The following PGD variants were observed in gnomAD, a reference collection of about 807,000 sequenced individuals.
PGD encodes the protein 6-phosphogluconate dehydrogenase, decarboxylating.
In PGD, 21 loss-of-function variants were observed where a neutral mutation model predicts 60.4. The observed-to-expected ratio is 0.35, with a 90% confidence interval of 0.25 to 0.50. PGD has a LOEUF of 0.50. Ranked by LOEUF, PGD falls within the 20% of genes least tolerant of loss-of-function variation. The pLI, the probability that PGD is intolerant of heterozygous loss-of-function variation, is 0.98. For missense variants in PGD, 477 were observed against 613.1 expected (o/e 0.78, Z 2.34); for synonymous variants, 230 against 235.9 (o/e 0.97, Z 0.23).
intron 6 of PGD, among the ~76,000 whole-genome samples, chr1:10,408,932 C>CT (rs1360571871): frequency 4.0e-4 from 61 of 152,108 alleles, no homozygotes; most frequent in Admixed American, 7.9e-4. Flanking sequence ...TTAAAGTAAA[C>CT]TTTATCTCAT....
chr1:10,410,579 G>A (rs1639483737), intron 6 of PGD, among the ~76,000 whole-genome samples: 1 of 152,100 alleles, frequency 6.6e-6, no homozygotes, highest in Admixed American at 6.6e-5. Flanking sequence ...GTGTGTCCCT[G>A]TCATGGAGCT....
intron 1 of PGD, 33 bp from the exon 2 acceptor site, chr1:10,399,596 A>G (rs758719425): frequency 2.5e-6 from 4 of 1,601,098 alleles, no homozygotes; most frequent in Non-Finnish European, 3.4e-6. Flanking sequence ...AGCGGTGCTG[A>G]CTCTTTCCTT....
intron 6 of PGD, among the ~76,000 whole-genome samples, chr1:10,410,748 C>G (rs1276392104): frequency 6.6e-6 from 1 of 152,070 alleles, no homozygotes; most frequent in East Asian, 1.9e-4. Flanking sequence ...TTTGTAACCA[C>G]GAAGATCCAT....
chr1:10,399,109 T>TC lies in PGD; in HGVS notation c.-7dup, dbSNP rs772703151. ...GTCGCCGCTCTTCGGTTCTGCTCTG[T>TC]CCGCCGCCATGGCCCAGTGAGTGAC... On this transcript the variant is annotated 5_prime_UTR_variant, in exon 1 of 13. Coordinates refer to ENST00000270776, the MANE Select transcript of PGD (RefSeq NM_002631.4). 1.6e-5 allele frequency: 25 copies of TC among 1,609,554 alleles called. No individual in the cohort carries two copies. Among genetic ancestry groups the TC allele is most frequent in the Non-Finnish European group, 2.1e-5 (25 of 1,179,688 alleles).
At position 10,400,569 on chromosome 1, in the gene PGD, A is replaced by G. The variant is rs142871528; in HGVS notation, c.261A>G (p.Lys87=). ...AAGCTGTGGATGATTTCATCGAGAA[A>G]TTGGTGAGGCCAGCTGTGCTCTCAG... ...AGQAVDDFIE[K]LVPLLDTGDI... Residue 87 remains lysine (K), a synonymous_variant, in exon 3 of 13, where the codon AAA becomes AAG. Coordinates refer to ENST00000270776, the MANE Select transcript of PGD (RefSeq NM_002631.4). The G allele has an allele frequency of 3.1e-6, 5 of 1,613,028 alleles. No homozygotes were observed. In the African/African-American group the frequency reaches 6.7e-5, roughly 22 times the overall value.
At chr1:10,419,298 T>A in intron 11 of PGD, 119 bp from the exon 12 acceptor site, 2 of 1,381,814 alleles carry the variant, frequency 1.4e-6, no homozygotes, top group Non-Finnish European at 2.0e-6. Flanking sequence ...ATGACAGGCG[T>A]GAGCCACCGC....
chr1:10,403,590 G>GAAAAAAA (rs71583866), intron 4 of PGD, among the ~76,000 whole-genome samples: 3,377 of 66,982 alleles, frequency 0.05, 318 homozygotes, highest in African/African-American at 0.089. Flanking sequence ...AACTCCATCT[G>GAAAAAAA]AAAAAAAAAA....
chr1:10,407,860 T>G (rs1311842618), intron 5 of PGD, among the ~76,000 whole-genome samples: 1 of 151,462 alleles, frequency 6.6e-6, no homozygotes, highest in Non-Finnish European at 1.5e-5. Context: ...GCAGGAAGAT[T>G]ACTTGAACCT....
intron 3 of PGD, among the ~76,000 whole-genome samples, chr1:10,402,203 C>T (rs772643787): frequency 3.3e-5 from 5 of 152,100 alleles, no homozygotes; most frequent in Non-Finnish European, 5.9e-5. Flanking sequence ...TCCCCACTCT[C>T]TTCTAGACAC....
At chr1:10,399,559 A>C in intron 1 of PGD, 70 bp from the exon 2 acceptor site, 2 of 1,381,170 alleles carry the variant, frequency 1.4e-6, no homozygotes, top group Non-Finnish European at 2.0e-6. Flanking sequence ...ATGTGGAAGG[A>C]CCGGACCCCT....
At position 10,401,617 on chromosome 1, in the gene PGD, A is replaced by G. The variant is rs528017165; in HGVS notation, c.264+1045A>G. 7.9e-4 allele frequency among the ~76,000 whole-genome samples: 121 copies of G among 152,380 alleles called. 1 individual carries two copies. The highest frequency in any genetic ancestry group is 2.7e-3 in the African/African-American group (114 of 41,588). Reference sequence around the variant, plus strand: ...TTTTTTGTGTGGCAAGCTGCCTGTAATCAGTTTCAGACAGAGAAAACTGAA... The same window carrying G: ...TTTTTTGTGTGGCAAGCTGCCTGTAGTCAGTTTCAGACAGAGAAAACTGAA... On this transcript the variant is annotated intron_variant, in intron 3 of 12. Transcript: ENST00000270776.
chr1:10,418,570 A>T (rs1248393859), intron 10 of PGD, among the ~76,000 whole-genome samples: 1 of 152,032 alleles, frequency 6.6e-6, no homozygotes, highest in Admixed American at 6.6e-5. Flanking sequence ...AGGTCAGGAG[A>T]TCCAGACCAT....
intron 7 of PGD, 66 bp from the exon 8 acceptor site, chr1:10,412,996 G>GAC: frequency 7.1e-7 from 1 of 1,409,474 alleles, no homozygotes; most frequent in Non-Finnish European, 1.0e-6. Flanking sequence ...GTGGACATTG[G>GAC]ACAAGGGGCT....
intron 6 of PGD, among the ~76,000 whole-genome samples, chr1:10,409,972 A>T (rs1046690574): frequency 6.6e-6 from 1 of 152,038 alleles, no homozygotes; most frequent in African/African-American, 2.4e-5. Flanking sequence ...TTTTTTTTAG[A>T]TACACACACT....
Position 10,404,303 on chromosome 1 carries a change from C to T in PGD, c.449+24C>T, listed in dbSNP as rs763321842. On this transcript the variant is annotated intron_variant, in intron 5 of 12. Transcript: ENST00000270776. ...TGGTGAGTGCCATCAGCACTGTGCC[C>T]ATCTCTGTACAAGGGAGCTGGACTT... The T allele has an allele frequency of 9.8e-6, 14 of 1,432,622 alleles. No homozygotes were observed. The South Asian group carries it at 1.2e-4, about 12-fold the overall frequency. The allele number at this position is 1,432,622 out of a possible 1,614,324, so 88.7% of individuals were successfully genotyped here. A position where few individuals can be genotyped will look rare whatever the true frequency, so the allele number is the denominator to read the frequency against.
chr1:10,418,243 T>C (rs961232522), intron 10 of PGD, among the ~76,000 whole-genome samples: 24 of 152,222 alleles, frequency 1.6e-4, no homozygotes, highest in Non-Finnish European at 5.9e-5. Flanking sequence ...GATTCTAATA[T>C]TAGTTCTCTT....
At position 10,413,226 on chromosome 1, in the gene PGD, A is replaced by T. The variant is rs1187329477; in HGVS notation, c.819A>T (p.Glu273Asp). ...AGTGGACCGCCATCTCCGCCCTGGA[A>T]TACGGCGTACCCGTCACCCTCATTG... ...TGKWTAISAL[E>D]YGVPVTLIGE... The change falls in exon 8 of 13, where the codon GAA becomes GAT. Residue 273 changes from glutamate to aspartate, a missense_variant. Transcript: ENST00000270776. 1 of 1,614,102 alleles carries T rather than the reference A, an allele frequency of 6.2e-7. No individual in the cohort carries two copies. The highest frequency in any genetic ancestry group is 1.3e-5 in the African/African-American group (1 of 74,940).
Position 10,419,615 on chromosome 1 carries a change from T to A in PGD, c.1333-15T>A, listed in dbSNP as rs531507301. On this transcript the variant is annotated splice_polypyrimidine_tract_variant and intron_variant, in intron 12 of 12. Coordinates refer to ENST00000270776, the MANE Select transcript of PGD (RefSeq NM_002631.4). ...CCATGGACTGTCCTGACCAACCTACTCTCTCGTTTCCTAGGCTCAGCGGGA... is the reference window on the plus strand; with the variant it reads ...CCATGGACTGTCCTGACCAACCTACACTCTCGTTTCCTAGGCTCAGCGGGA... The A allele has an allele frequency of 2.5e-6, 4 of 1,613,998 alleles. No individual in the cohort carries two copies. Among genetic ancestry groups the A allele is most frequent in the South Asian group, 2.2e-5 (2 of 91,088 alleles).
At chr1:10,416,665 G>C (rs1041573352) in intron 8 of PGD, among the ~76,000 whole-genome samples, 3 of 152,182 alleles carry the variant, frequency 2.0e-5, no homozygotes, top group Non-Finnish European at 4.4e-5. Context: ...ATTTGGGCAG[G>C]TAGTGGAAAA....
Sources: gnomAD v4.1 joint callset for allele counts (sites outside exome capture counted in the v4.1 genomes callset) on GRCh38, gnomAD v4.1.1 for gene constraint, MANE v1.5 for transcripts, NCBI Gene and HGNC (gene_info 2026-07-23, HGNC 2026-07-21) for gene names.